AP1G1: variants seen among roughly 807,000 people sequenced by gnomAD.
The protein encoded by AP1G1 is AP-1 complex subunit gamma-1.
A neutral mutation model predicts 108.3 loss-of-function variants in AP1G1; 7 were observed. That is an observed-to-expected ratio of 0.06 (90% confidence interval 0.04 to 0.12). AP1G1 has a LOEUF of 0.12. Among genes scored for constraint, AP1G1 ranks in the 10% least tolerant of loss-of-function variants. The pLI is 1.00. For synonymous variants in AP1G1, 379 were observed against 353.5 expected (o/e 1.07, Z -0.81); for missense variants, 756 against 1,010.7 (o/e 0.75, Z 3.42).
intron 2 of AP1G1, among the ~76,000 whole-genome samples, chr16:71,776,176 G>A (rs1020164448): frequency 1.3e-5 from 2 of 152,122 alleles, no homozygotes; most frequent in Non-Finnish European, 1.5e-5. Context: ...TACTAAATTC[G>A]AAAGTGAAAT....
intron 13 of AP1G1, among the ~76,000 whole-genome samples, chr16:71,752,622 C>T (rs2145441563): frequency 6.6e-6 from 1 of 152,076 alleles, no homozygotes; most frequent in Admixed American, 6.5e-5. Flanking sequence ...TTTTTGTGTA[C>T]TTGTCCTATT....
Position 71,773,380 on chromosome 16 carries a change from A to C in AP1G1, c.327-18T>G. The C allele has an allele frequency of 6.7e-7, 1 of 1,486,540 alleles. No individual in the cohort carries two copies. Among genetic ancestry groups the C allele is most frequent in the Non-Finnish European group, 8.9e-7 (1 of 1,122,724 alleles). The allele number at this position is 1,486,540 out of a possible 1,614,324, so 92.1% of individuals were successfully genotyped here. A position where few individuals can be genotyped will look rare whatever the true frequency, so the allele number is the denominator to read the frequency against. ...TAAGATCACTGCAAAAGAAAAGAGG[A>C]AGGTAGGAACAAGCCTGGTGCTCCC... On this transcript the variant is annotated intron_variant, in intron 3 of 22. Coordinates refer to ENST00000299980, the MANE Select transcript of AP1G1 (RefSeq NM_001128.6).
intron 19 of AP1G1, among the ~76,000 whole-genome samples, chr16:71,739,619 GTGTGCGCCTGTAGTCCCAGCTACT>G (rs1384199818): frequency 6.6e-6 from 1 of 151,946 alleles, no homozygotes; most frequent in East Asian, 1.9e-4. Context: ...AGGCATGGTG[GTGTGCGCCTGTAGTCCCAGCTACT>G]TGGGAGACTG....
chr16:71,741,902 T>C (rs1053589117), intron 19 of AP1G1, among the ~76,000 whole-genome samples: 4 of 152,196 alleles, frequency 2.6e-5, no homozygotes, highest in Non-Finnish European at 5.9e-5. Flanking sequence ...TGTAAAAGTA[T>C]AGCAAGGTAG....
At position 71,739,307 on chromosome 16, in the gene AP1G1, G is replaced by C; in HGVS notation, c.2034C>G (p.Val678=). The C allele has an allele frequency of 6.2e-7, 1 of 1,610,684 alleles. No individual in the cohort carries two copies. Among genetic ancestry groups the C allele is most frequent in the Non-Finnish European group, 8.5e-7 (1 of 1,179,280 alleles). ...AGAAGGGGGGCTGGGATATCTGTGG[G>C]ACTGAGGCAGGGGCAGGAGCAGCAG... The part of the protein sequence containing the change: ...APAAAPAPAS[V]PQISQPPFLL... Residue 678 remains valine, a synonymous_variant, in exon 20 of 23, where the codon GTC becomes GTG. Transcript: ENST00000299980.
At chr16:71,753,043 TC>T (rs2030590398) in intron 13 of AP1G1, among the ~76,000 whole-genome samples, 1 of 152,180 alleles carries the variant, frequency 6.6e-6, no homozygotes, top group Admixed American at 6.5e-5. Context: ...CGTAGACTGT[TC>T]CCCTTTTTGT....
chr16:71,736,792 A>C (rs1357128903), intron 21 of AP1G1, among the ~76,000 whole-genome samples: 4 of 137,128 alleles, frequency 2.9e-5, no homozygotes, highest in African/African-American at 5.5e-5. Flanking sequence ...ACGGGGTTTC[A>C]CCGTGTTAGC....
chr16:71,778,779 A>T (rs2031888571), intron 2 of AP1G1, among the ~76,000 whole-genome samples: 1 of 152,108 alleles, frequency 6.6e-6, no homozygotes, highest in Non-Finnish European at 1.5e-5. Context: ...AAAAAGTACA[A>T]TGGGGGAGAT....
chr16:71,798,550 T>C (rs1376927518), intron 1 of AP1G1, among the ~76,000 whole-genome samples: 3 of 151,554 alleles, frequency 2.0e-5, no homozygotes, highest in East Asian at 3.9e-4. Context: ...GAGGGATATA[T>C]ATAATTACCT....
intron 1 of AP1G1, among the ~76,000 whole-genome samples, chr16:71,805,694 AAAT>A (rs1222952893): frequency 6.6e-6 from 1 of 152,198 alleles, no homozygotes; most frequent in Non-Finnish European, 1.5e-5. Flanking sequence ...TTTTAATTAA[AAAT>A]AATATCTTGG....
At chr16:71,787,468 G>A (rs1215390000) in intron 2 of AP1G1, among the ~76,000 whole-genome samples, 1 of 152,150 alleles carries the variant, frequency 6.6e-6, no homozygotes, top group Non-Finnish European at 1.5e-5. Flanking sequence ...GGGCCATAGA[G>A]CAAGACCCTG....
chr16:71,771,134 G>T, intron 5 of AP1G1, 22 bp downstream of exon 5: 1 of 1,434,860 alleles, frequency 7.0e-7, no homozygotes, highest in Non-Finnish European at 9.8e-7. Context: ...AATACTTCAT[G>T]AATACATCCA....
At chr16:71,770,122 C>T (rs1040336804) in intron 5 of AP1G1, among the ~76,000 whole-genome samples, 1 of 152,108 alleles carries the variant, frequency 6.6e-6, no homozygotes, top group African/African-American at 2.4e-5. Flanking sequence ...CGCATCAAAA[C>T]TCTGAGAAAA....
At chr16:71,775,725 T>C (rs1272301761) in intron 2 of AP1G1, among the ~76,000 whole-genome samples, 1 of 152,176 alleles carries the variant, frequency 6.6e-6, no homozygotes, top group African/African-American at 2.4e-5. Flanking sequence ...ACCAAGTACA[T>C]TCAGAGCTTG....
At chr16:71,760,158 C>A (rs7197104) in intron 10 of AP1G1, among the ~76,000 whole-genome samples, 1 of 151,744 alleles carries the variant, frequency 6.6e-6, no homozygotes, top group South Asian at 2.1e-4. Context: ...GTGTGAGCCA[C>A]CACGCCCGGC....
intron 1 of AP1G1, among the ~76,000 whole-genome samples, chr16:71,800,930 G>A (rs1288778398): frequency 6.6e-6 from 1 of 151,644 alleles, no homozygotes; most frequent in Admixed American, 6.6e-5. Flanking sequence ...GGGAGGCGGA[G>A]GTTGCGGTGA....
At position 71,739,310 on chromosome 16, in the gene AP1G1, T is replaced by A. The variant is rs544510803; in HGVS notation, c.2031A>T (p.Ser677=). Residue 677 remains serine, a synonymous_variant, in exon 20 of 23, where the codon TCA becomes TCT. Transcript: ENST00000299980. ...AGGGGGGCTGGGATATCTGTGGGAC[T>A]GAGGCAGGGGCAGGAGCAGCAGCTG... ...GAPAAAPAPA[S]VPQISQPPFL... The A allele has an allele frequency of 6.2e-7, 1 of 1,609,970 alleles. No individual in the cohort carries two copies. The highest frequency in any genetic ancestry group is 2.2e-5 in the East Asian group (1 of 44,818).
At chr16:71,803,382 C>CT in intron 1 of AP1G1, among the ~76,000 whole-genome samples, 1 of 151,820 alleles carries the variant, frequency 6.6e-6, no homozygotes, top group African/African-American at 2.4e-5. Flanking sequence ...TCTGAGTAGG[C>CT]TTTTTTTTAA....
chr16:71,787,213 G>A (rs996384608), intron 2 of AP1G1, among the ~76,000 whole-genome samples: 13 of 151,470 alleles, frequency 8.6e-5, no homozygotes, highest in Admixed American at 4.6e-4. Context: ...CAGCTACTCG[G>A]GAGGCTGAGG....
Sources: gnomAD v4.1 joint callset for allele counts (sites outside exome capture counted in the v4.1 genomes callset) on GRCh38, gnomAD v4.1.1 for gene constraint, MANE v1.5 for transcripts, NCBI Gene and HGNC (gene_info 2026-07-23, HGNC 2026-07-21) for gene names.